The following TTN variants were observed in gnomAD, a reference collection of about 807,000 sequenced individuals.
TTN encodes the protein titin.
In TTN, 1,525 loss-of-function variants were observed where a neutral mutation model predicts 3,223.0. That is an observed-to-expected ratio of 0.47 (90% CI 0.45 to 0.49). TTN has a LOEUF of 0.49. TTN is among the 20% of genes least tolerant of loss of function. TTN has a pLI of 0.00. For missense variants in TTN, 40,786 were observed against 43,424.0 expected (o/e 0.94, Z 5.40); for synonymous variants, 14,094 against 15,161.0 (o/e 0.93, Z 5.17).
chr2:178,618,019 T>A lies in TTN; in HGVS notation c.47332A>T (p.Thr15778Ser), dbSNP rs1292014251. The A allele has an allele frequency of 1.9e-6, 3 of 1,612,416 alleles. No individual in the cohort carries two copies. In the African/African-American group the frequency reaches 4.0e-5, roughly 22 times the overall value. ...CCATCATACTCTGGTGGTTCCCATG[T>A]CAGTGAGACACCAAATCGATTCACA... The part of the protein sequence containing the change: ...TDVNRFGVSL[T>S]WEPPEYDGGA... The change falls in exon 253 of 363, where the codon ACA becomes TCA. Residue 15778 changes from threonine (T) to serine (S), a missense_variant. Coordinates refer to ENST00000589042, the MANE Select transcript of TTN (RefSeq NM_001267550.2).
chr2:178,707,401 A>G, intron 100 of TTN, 125 bp downstream of exon 100: 1 of 1,159,638 alleles, frequency 8.6e-7, no homozygotes, highest in Non-Finnish European at 1.2e-6. Flanking sequence ...GGAGCCTACA[A>G]ATTGCAGATG....
In TTN at chr2:178,533,466, C is replaced by T. The variant is rs753724872; in HGVS notation, c.103149G>A (p.Glu34383=). ...ECQEGQSVCF[E]IRVSGIPPPT... ...GTGGGGGGATGCCAGACACTCTGAT[C>T]TCAAAGCAGACACTTTGGCCTTCTT... The change falls in exon 358 of 363, where the codon GAG becomes GAA. Residue 34383 remains glutamate, a synonymous_variant. Coordinates refer to ENST00000589042, the MANE Select transcript of TTN (RefSeq NM_001267550.2). The T allele has an allele frequency of 3.1e-6, 5 of 1,613,598 alleles. No homozygotes were observed. Among genetic ancestry groups the T allele is most frequent in the Non-Finnish European group, 4.2e-6 (5 of 1,179,584 alleles).
chr2:178,712,243 C>A, intron 95 of TTN, 21 bp from the exon 96 acceptor site: 1 of 1,610,352 alleles, frequency 6.2e-7, no homozygotes, highest in Non-Finnish European at 8.5e-7. Flanking sequence ...GAGAGATAAT[C>A]AATCAGTCAT....
chr2:178,533,602 T>G lies in TTN; in HGVS notation c.103013A>C (p.Lys34338Thr). The G allele has an allele frequency of 6.2e-7, 1 of 1,613,986 alleles. No homozygotes were observed. The highest frequency in any genetic ancestry group is 8.5e-7 in the Non-Finnish European group (1 of 1,179,868). Reference protein sequence around the residue: ...DAEYTVVARNKYGEDSCKAKL... With the variant: ...DAEYTVVARNTYGEDSCKAKL... ...TGCTTTACAGCTGTCTTCACCATATTTGTTCCTTGCCACAACAGTATATTC... is the reference window on the plus strand; with the variant it reads ...TGCTTTACAGCTGTCTTCACCATATGTGTTCCTTGCCACAACAGTATATTC... Residue 34338 changes from lysine to threonine, a missense_variant, in exon 358 of 363, where the codon AAA (lysine) becomes ACA (threonine). Transcript: ENST00000589042.
chr2:178,767,885 C>T lies in TTN; in HGVS notation c.9345G>A (p.Leu3115=), dbSNP rs768111768. Residue 3115 remains leucine (L), a synonymous_variant, in exon 40 of 363, where the codon CTG becomes CTA. Coordinates refer to ENST00000589042, the MANE Select transcript of TTN (RefSeq NM_001267550.2). The stretch of plus-strand genomic sequence containing the variant: ...CATCAGACATCCGGGTGGATGGGAT[C>T]AGAAGGCGGTGGACATATTTCTCCT... The part of the protein sequence containing the change: ...IQKEKYVHRL[L]IPSTRMSDAG... The T allele has an allele frequency of 1.2e-6, 2 of 1,614,092 alleles. No individual in the cohort carries two copies. The highest frequency in any genetic ancestry group is 2.2e-5 in the South Asian group (2 of 91,076).
rs2092397989 is a variant in TTN at position 178,777,915 on chromosome 2, T to G, written c.4269A>C (p.Ser1423=). 6.2e-7 allele frequency: 1 copy of G among 1,613,806 alleles called. No individual in the cohort carries two copies. The highest frequency in any genetic ancestry group is 8.5e-7 in the Non-Finnish European group (1 of 1,179,866). ...SPIRMSPARM[S]PARMSPARMS... ...TCCGTGCAGGAGACATCCTTGCAGG[T>G]GACATCCGTGCAGGAGACATGCGTA... The change falls in exon 25 of 363, where the codon TCA becomes TCC. Residue 1423 remains serine, a synonymous_variant. Coordinates refer to ENST00000589042, the MANE Select transcript of TTN (RefSeq NM_001267550.2).
In TTN at chr2:178,559,860, T is replaced by C; in HGVS notation, c.86272A>G (p.Ser28758Gly). The change falls in exon 326 of 363, where the codon AGT (serine) becomes GGT (glycine). Residue 28758 changes from serine to glycine, a missense_variant. Ser to Gly is a moderately conservative substitution (Grantham distance 56). Transcript: ENST00000589042. ...ACAATCAAGGTCTTCCTCATTTCAC[T>C]GTCAATATCAAATAAAGGTTCTTCT... is the stretch of plus-strand genomic sequence containing the variant. ...REEEPLFDIDSEMRKTLIVKA... is the reference protein window; with the variant it reads ...REEEPLFDIDGEMRKTLIVKA... 1 of 1,612,150 alleles carries C rather than the reference T, an allele frequency of 6.2e-7. No individual in the cohort carries two copies. The highest frequency in any genetic ancestry group is 8.5e-7 in the Non-Finnish European group (1 of 1,179,744).
Position 178,726,055 on chromosome 2 carries a change from A to C in TTN, c.20276-9T>G, listed in dbSNP as rs1476594925. ...GCTAAAAACAGGTGGCTCTGCAAAA[A>C]ACAAGAATTTCTCATGAATTGGGCT... On this transcript the variant is annotated splice_polypyrimidine_tract_variant and intron_variant, in intron 69 of 362. Transcript: ENST00000589042. 6.7e-7 allele frequency: 1 copy of C among 1,501,880 alleles called. No individual in the cohort carries two copies. Among genetic ancestry groups the C allele is most frequent in the Admixed American group, 2.4e-5 (1 of 42,518 alleles). The allele number at this position is 1,501,880 out of a possible 1,614,324, so 93.0% of individuals were successfully genotyped here.
chr2:178,554,195 A>T lies in TTN; in HGVS notation c.88916T>A (p.Ile29639Lys), dbSNP rs1039502047. The change falls in exon 333 of 363, where the codon ATA (isoleucine) becomes AAA (lysine). Residue 29639 changes from isoleucine (I) to lysine (K), a missense_variant. Coordinates refer to ENST00000589042, the MANE Select transcript of TTN (RefSeq NM_001267550.2). ...CTTGGTAATCTTTGTCACTTCTGGTATGCCTGGTGGCCCAGGTGTAACTAT... is the reference window on the plus strand; with the variant it reads ...CTTGGTAATCTTTGTCACTTCTGGTTTGCCTGGTGGCCCAGGTGTAACTAT... ...NAFVTPGPPG[I>K]PEVTKITKNS... 6.2e-7 allele frequency: 1 copy of T among 1,604,774 alleles called. No individual in the cohort carries two copies. Among genetic ancestry groups the T allele is most frequent in the Non-Finnish European group, 8.5e-7 (1 of 1,176,206 alleles).
intron 312 of TTN, 45 bp downstream of exon 312, chr2:178,583,562 T>C (rs763618519): frequency 1.9e-5 from 28 of 1,476,706 alleles, no homozygotes; most frequent in Non-Finnish European, 2.4e-5. Flanking sequence ...ATGACCATCA[T>C]GAATGCTGTT....
chr2:178,638,165 A>G (rs916141064), intron 223 of TTN, among the ~76,000 whole-genome samples: 10 of 151,996 alleles, frequency 6.6e-5, no homozygotes, highest in African/African-American at 2.4e-4. Context: ...GTTTAAAAGA[A>G]TATGCCCAAA....
At position 178,651,552 on chromosome 2, in the gene TTN, G is replaced by A; in HGVS notation, c.39464-16C>T. The A allele has an allele frequency of 2.5e-6, 4 of 1,612,512 alleles. No individual in the cohort carries two copies. Among genetic ancestry groups the A allele is most frequent in the Non-Finnish European group, 3.4e-6 (4 of 1,179,286 alleles). ...ACCTCGGGCACTATAAAAGATATTAGTAGTTGTTTAAGCTCATGGTTTCAA... is the reference window on the plus strand; with the variant it reads ...ACCTCGGGCACTATAAAAGATATTAATAGTTGTTTAAGCTCATGGTTTCAA... On this transcript the variant is annotated splice_polypyrimidine_tract_variant and intron_variant, in intron 206 of 362. Transcript: ENST00000589042.
rs1220643224 is a variant in TTN, at chr2:178,563,098, A to G, written c.83034T>C (p.Asp27678=). ...ERIEPPEIEL[D]ADLRKVVVLR... ...GAACGACCACCTTTCTGAGATCAGC[A>G]TCGAGTTCTATTTCTGGTGGCTCTA... The change falls in exon 326 of 363, where the codon GAT becomes GAC. Residue 27678 remains aspartate, a synonymous_variant. Transcript: ENST00000589042. The surrounding 1 kb of genome is among the most constrained non-coding windows in gnomAD (Gnocchi z 4.5). 6.2e-7 allele frequency: 1 copy of G among 1,613,756 alleles called. No individual in the cohort carries two copies. Among genetic ancestry groups the G allele is most frequent in the Non-Finnish European group, 8.5e-7 (1 of 1,179,726 alleles).
At position 178,704,615 on chromosome 2, in the gene TTN, C is replaced by A. The variant is rs770212603; in HGVS notation, c.29857G>T (p.Gly9953Cys). 3.7e-6 allele frequency: 6 copies of A among 1,612,600 alleles called. No individual in the cohort carries two copies. The Admixed American group carries it at 1.0e-4, about 27-fold the overall frequency. ...TTGACTCTGAGTGTATGTCGGTCAC[C>A]ATCAATGCTTATTTCAAATTTATCA... ...PSDKFEISID[G>C]DRHTLRVKNC... The change falls in exon 105 of 363, where the codon GGT becomes TGT. Residue 9953 changes from glycine to cysteine, a missense_variant. Transcript: ENST00000589042.
At position 178,705,178 on chromosome 2, in the gene TTN, C is replaced by A; in HGVS notation, c.29600G>T (p.Arg9867Ile). Residue 9867 changes from arginine (R) to isoleucine (I), a missense_variant, in exon 103 of 363, where the codon AGA becomes ATA. Arg to Ile is a moderately conservative substitution (Grantham distance 97). Transcript: ENST00000589042. ...LKQSQEEETH[R>I]LEIEEIERSE... ...GCTATATATGAAGGAGCATACCAGT[C>A]TATGTGTCTCTTCTTCTTGGCTTTG... is the stretch of plus-strand genomic sequence containing the variant. The A allele has an allele frequency of 1.2e-6, 2 of 1,612,686 alleles. No homozygotes were observed. The highest frequency in any genetic ancestry group is 1.7e-5 in the Admixed American group (1 of 59,816).
In TTN at chr2:178,611,260, T is replaced by A. The variant is rs372013419; in HGVS notation, c.50869A>T (p.Ile16957Phe). 2 of 1,612,048 alleles carry A rather than the reference T, an allele frequency of 1.2e-6. No individual in the cohort carries two copies. The highest frequency in any genetic ancestry group is 1.7e-6 in the Non-Finnish European group (2 of 1,179,134). The part of the protein sequence containing the change: ...VAKDPDCKPT[I>F]DLETHDIIVI... ...ATAATGTCATGAGTCTCCAGGTCAA[T>A]TGTTGGCTTGCCTGTAAGATATCAT... is the stretch of plus-strand genomic sequence containing the variant. The change falls in exon 270 of 363, where the codon ATT becomes TTT. Residue 16957 changes from isoleucine (I) to phenylalanine (F), a missense_variant. By Grantham distance (21) the Ile-to-Phe change is conservative. Transcript: ENST00000589042.
Position 178,773,928 on chromosome 2 carries a change from T to G in TTN, c.7240A>C (p.Ile2414Leu), listed in dbSNP as rs754815454. The G allele has an allele frequency of 1.2e-6, 2 of 1,614,130 alleles. No homozygotes were observed. Among genetic ancestry groups the G allele is most frequent in the Non-Finnish European group, 1.7e-6 (2 of 1,179,982 alleles). ...GCATCTTCCTTAGTCATGTCTTCAATGAGCAGCATATGAGATTGTTTGTCT... is the reference window on the plus strand; with the variant it reads ...GCATCTTCCTTAGTCATGTCTTCAAGGAGCAGCATATGAGATTGTTTGTCT... Reference protein sequence around the residue: ...VIDKQSHMLLIEDMTKEDAGN... With the variant: ...VIDKQSHMLLLEDMTKEDAGN... The change falls in exon 31 of 363, where the codon ATT (isoleucine) becomes CTT (leucine). Residue 2414 changes from isoleucine to leucine, a missense_variant. Coordinates refer to ENST00000589042, the MANE Select transcript of TTN (RefSeq NM_001267550.2).
At position 178,593,251 on chromosome 2, in the gene TTN, G is replaced by A. The variant is rs149325705; in HGVS notation, c.58957C>T (p.Arg19653Trp). Residue 19653 changes from arginine to tryptophan, a missense_variant, in exon 299 of 363, where the codon CGG becomes TGG. By Grantham distance (101) the Arg-to-Trp change is moderately radical (BLOSUM62 -3). Transcript: ENST00000589042. ...CCAATTTCATTTTCTGCAGAAACCC[G>A]GAATTCATACTGACATCCTTCTAGA... ...DLLEGCQYEF[R>W]VSAENEIGIG... 1.4e-5 allele frequency: 22 copies of A among 1,613,336 alleles called. No homozygotes were observed. The highest frequency in any genetic ancestry group is 6.7e-5 in the Admixed American group (4 of 59,960).
intron 33 of TTN, 111 bp downstream of exon 33, chr2:178,772,998 A>G: frequency 7.1e-7 from 1 of 1,408,002 alleles, no homozygotes; most frequent in East Asian, 2.4e-5. Flanking sequence ...GGAACAGCAT[A>G]AGCAGAGGCA....
Sources: allele counts gnomAD v4.1 joint callset (sites outside exome capture counted in the v4.1 genomes callset), GRCh38; gene constraint gnomAD v4.1.1; non-coding constraint Gnocchi (gnomAD v3.1); transcripts MANE v1.5; gene names NCBI Gene and HGNC (gene_info 2026-07-23, HGNC 2026-07-21).